Variants in CTNND2 observed in about 807,000 individuals in gnomAD.
The protein encoded by CTNND2 is catenin delta 2, also known as catenin delta-2.
Under a neutral mutation model 144.4 loss-of-function variants are expected in CTNND2, and 22 were observed. That is an observed-to-expected ratio of 0.15 (90% confidence interval 0.11 to 0.22). The LOEUF is 0.22. CTNND2 is among the 10% of genes least tolerant of loss of function. The probability of loss-of-function intolerance (pLI) is 1.00; values close to 1 mark genes in which losing one functional copy is unlikely to be tolerated. For synonymous variants in CTNND2, 751 were observed against 695.6 expected, an observed-to-expected ratio of 1.08 and a Z score of -1.25; for missense variants, 1,353 against 1,618.8, an observed-to-expected ratio of 0.84 and a Z score of 2.82.
At chr5:11,335,285 A>G (rs919226616) in intron 9 of CTNND2, among the ~76,000 whole-genome samples, 20 of 152,366 alleles carry the variant, frequency 1.3e-4, no homozygotes, top group African/African-American at 4.6e-4. Flanking sequence ...AATGAGCACT[A>G]TTAGCTGCAA....
intron 3 of CTNND2, among the ~76,000 whole-genome samples, chr5:11,433,334 CCAAAATG>C (rs1763468540): frequency 7.0e-6 from 1 of 142,932 alleles, no homozygotes. Flanking sequence ...CACATTAAAG[CCAAAATG>C]AGATGCTGAT....
At chr5:11,128,941 T>TATATATAATATATAAATATATATA (rs1755074209) in intron 12 of CTNND2, among the ~76,000 whole-genome samples, 11 of 38,532 alleles carry the variant, frequency 2.9e-4, no homozygotes, top group African/African-American at 4.9e-4. Flanking sequence ...ATATATATAT[T>TATATATAATATATAAATATATATA]ATATATAATA....
chr5:11,305,501 CTT>C (rs996991345), intron 9 of CTNND2, among the ~76,000 whole-genome samples: 4 of 152,192 alleles, frequency 2.6e-5, no homozygotes, highest in African/African-American at 9.6e-5. Flanking sequence ...GTAGGTGGCT[CTT>C]GTGTCATTTG....
chr5:11,433,424 G>A (rs1223043494), intron 3 of CTNND2, among the ~76,000 whole-genome samples: 3 of 152,150 alleles, frequency 2.0e-5, no homozygotes, highest in African/African-American at 7.2e-5. Context: ...CAAGGCTGTT[G>A]TATCAGGCTA....
In CTNND2 at chr5:11,486,196, A is replaced by T. The variant is rs561019489; in HGVS notation, c.288-74127T>A. Among the ~76,000 whole-genome samples, 8 of 152,342 alleles carry T rather than the reference A, an allele frequency of 5.3e-5. No individual in the cohort carries two copies. In the East Asian group the frequency reaches 1.5e-3, roughly 29 times the overall value. On this transcript the variant is annotated intron_variant, in intron 3 of 21. Coordinates refer to ENST00000304623, the MANE Select transcript of CTNND2 (RefSeq NM_001332.4). ...AGGATGAGATAATATCCAGTAGATC[A>T]CACTGGGTGATAAAATCCAGTAGAT...
chr5:11,760,841 C>A (rs1391024442), intron 1 of CTNND2, among the ~76,000 whole-genome samples: 1 of 152,012 alleles, frequency 6.6e-6, no homozygotes, highest in Non-Finnish European at 1.5e-5. Flanking sequence ...CCTCTTAACT[C>A]AATCTCTTGA....
At chr5:10,993,415 G>A (rs1339738778) in intron 18 of CTNND2, among the ~76,000 whole-genome samples, 1 of 152,118 alleles carries the variant, frequency 6.6e-6, no homozygotes, top group Non-Finnish European at 1.5e-5. Flanking sequence ...CTCCACCTGA[G>A]AGAACTCCTG....
chr5:11,536,094 C>T (rs1051580368), intron 3 of CTNND2, among the ~76,000 whole-genome samples: 1 of 152,118 alleles, frequency 6.6e-6, no homozygotes, highest in African/African-American at 2.4e-5. Context: ...GACAAATTCT[C>T]ACTCTGTCAC....
chr5:11,645,307 G>A (rs1439010057), intron 2 of CTNND2, among the ~76,000 whole-genome samples: 2 of 151,956 alleles, frequency 1.3e-5, no homozygotes, highest in African/African-American at 4.8e-5. Flanking sequence ...AGCTAGAATG[G>A]TTCCCTCCCC....
chr5:11,870,473 AC>A (rs1735008069), intron 1 of CTNND2, among the ~76,000 whole-genome samples: 2 of 152,238 alleles, frequency 1.3e-5, no homozygotes, highest in Admixed American at 1.3e-4. Context: ...CAGTCAGCAA[AC>A]TTGGAGATGA....
rs186478172 is a variant in CTNND2, at chr5:11,314,032, T to C, written c.1628+32340A>G. Among the ~76,000 whole-genome samples the C allele has an allele frequency of 1.4e-3, 217 of 152,070 alleles. 2 individuals carry two copies. The highest frequency in any genetic ancestry group is 2.1e-3 in the Non-Finnish European group (146 of 67,972). ...CTCCCACCAAGCCCCTCCTCCAACATTGGGAATTACAATTTGACATGAGAT... is the reference window on the plus strand; with the variant it reads ...CTCCCACCAAGCCCCTCCTCCAACACTGGGAATTACAATTTGACATGAGAT... On this transcript the variant is annotated intron_variant, in intron 9 of 21. Coordinates refer to ENST00000304623, the MANE Select transcript of CTNND2 (RefSeq NM_001332.4).
At chr5:11,074,034 T>C (rs1248911295) in intron 16 of CTNND2, among the ~76,000 whole-genome samples, 1 of 152,212 alleles carries the variant, frequency 6.6e-6, no homozygotes, top group African/African-American at 2.4e-5. Flanking sequence ...ATATTTCCAG[T>C]ACTAAAAACA....
intron 21 of CTNND2, among the ~76,000 whole-genome samples, chr5:10,977,105 A>T (rs61752685): frequency 1.5e-3 from 222 of 152,302 alleles, no homozygotes; most frequent in African/African-American, 4.8e-3. Flanking sequence ...GGTAAAAAAA[A>T]TGGGACAGGA....
chr5:11,788,343 G>A (rs1243226041), intron 1 of CTNND2, among the ~76,000 whole-genome samples: 1 of 152,052 alleles, frequency 6.6e-6, no homozygotes, highest in Non-Finnish European at 1.5e-5. Flanking sequence ...TAAGAGGGCT[G>A]CCTTCACTCC....
At chr5:11,516,801 T>C (rs1040105640) in intron 3 of CTNND2, among the ~76,000 whole-genome samples, 7 of 152,182 alleles carry the variant, frequency 4.6e-5, no homozygotes, top group African/African-American at 1.7e-4. Flanking sequence ...TGTTCTTTTG[T>C]TTGTTTGTTT....
At chr5:11,518,270 AT>A (rs1200512862) in intron 3 of CTNND2, among the ~76,000 whole-genome samples, 137 of 144,836 alleles carry the variant, frequency 9.5e-4, no homozygotes, top group African/African-American at 3.5e-3. Context: ...AGTAAAAAAA[AT>A]AAATAAATAA....
At chr5:11,564,013 G>A (rs756162023) in intron 3 of CTNND2, among the ~76,000 whole-genome samples, 8 of 152,176 alleles carry the variant, frequency 5.3e-5, no homozygotes, top group Non-Finnish European at 1.2e-4. Context: ...AACTCTGAGT[G>A]CAGTGATGCA....
intron 3 of CTNND2, among the ~76,000 whole-genome samples, chr5:11,549,229 T>C (rs1775539694): frequency 6.6e-6 from 1 of 152,210 alleles, no homozygotes; most frequent in South Asian, 2.1e-4. Context: ...TATAGGTTGC[T>C]TGAGGGCAGG....
chr5:11,753,908 T>C (rs1037848522), intron 1 of CTNND2, among the ~76,000 whole-genome samples: 3 of 151,740 alleles, frequency 2.0e-5, no homozygotes, highest in African/African-American at 7.3e-5. Context: ...GGAGACTGTA[T>C]GTTTCCAGGA....
Sources: gnomAD v4.1 joint callset for allele counts (sites outside exome capture counted in the v4.1 genomes callset) on GRCh38, gnomAD v4.1.1 for gene constraint, MANE v1.5 for transcripts, NCBI Gene and HGNC (gene_info 2026-07-23, HGNC 2026-07-21) for gene names.